The following PIK3CD variants were observed in gnomAD, a reference collection of about 807,000 sequenced individuals.
PIK3CD encodes phosphatidylinositol-4,5-bisphosphate 3-kinase catalytic subunit delta, also known as phosphatidylinositol 4,5-bisphosphate 3-kinase catalytic subunit delta isoform.
PIK3CD carries 20 observed loss-of-function variants against 122.9 expected under a neutral mutation model. The observed-to-expected ratio is 0.16, with a 90% confidence interval of 0.11 to 0.24. The LOEUF (loss-of-function observed/expected upper bound fraction) is 0.24, where lower values mean the gene tolerates loss of function less well. Ranked by LOEUF, PIK3CD falls within the 10% of genes least tolerant of loss-of-function variation. The pLI is 1.00. For missense variants in PIK3CD, 787 were observed against 1,406.3 expected (o/e 0.56, Z 7.04); for synonymous variants, 596 against 593.4 (o/e 1.00, Z -0.06).
rs1436942481 is a variant in PIK3CD at position 9,728,827 on chromosome 1, G to A, written c.*1781G>A. 1 of 152,166 alleles carries A rather than the reference G, an allele frequency of 6.6e-6. No individual in the cohort carries two copies. Among genetic ancestry groups the A allele is most frequent in the African/African-American group, 2.4e-5 (1 of 41,398 alleles). The allele number at this position is 152,166 out of a possible 1,614,324, so 9.4% of individuals were successfully genotyped here. A position where few individuals can be genotyped will look rare whatever the true frequency, so the allele number is the denominator to read the frequency against. ...TTTAAGTCATTTCATGTTTCTGTCT[G>A]GGGAAGGCAAGTTAGTTAAGTATCA... is the stretch of plus-strand genomic sequence containing the variant. On this transcript the variant is annotated 3_prime_UTR_variant, in exon 24 of 24. Coordinates refer to ENST00000377346, the MANE Select transcript of PIK3CD (RefSeq NM_005026.5).
chr1:9,728,603 G>A lies in PIK3CD; in HGVS notation c.*1557G>A, dbSNP rs1650060773. ...TTGCCACCCGCGGGGCACCTCCCTG[G>A]CCACACGCCTGTTCCCAGCAAGTGC... On this transcript the variant is annotated 3_prime_UTR_variant, in exon 24 of 24. Transcript: ENST00000377346. 6.6e-6 allele frequency: 1 copy of A among 152,258 alleles called. No individual in the cohort carries two copies. The highest frequency in any genetic ancestry group is 1.5e-5 in the Non-Finnish European group (1 of 68,074). 9.4% of individuals were successfully genotyped at this position (152,258 alleles called of 1,614,324 possible).
chr1:9,727,370 T>C lies in PIK3CD; in HGVS notation c.*324T>C, dbSNP rs1331915218. The C allele has an allele frequency of 2.2e-6, 1 of 448,778 alleles. No homozygotes were observed. The highest frequency in any genetic ancestry group is 4.2e-6 in the Non-Finnish European group (1 of 240,492). 27.8% of individuals were successfully genotyped at this position (448,778 alleles called of 1,614,324 possible). A position where few individuals can be genotyped will look rare whatever the true frequency, so the allele number is the denominator to read the frequency against. ...AGACTGTTCTCCTCCCGAGGGAACC[T>C]TCTTCCCAGGCCTCCCGCCAGACTG... On this transcript the variant is annotated 3_prime_UTR_variant, in exon 24 of 24. Transcript: ENST00000377346.
chr1:9,665,907 C>A (rs959556152), intron 1 of PIK3CD, among the ~76,000 whole-genome samples: 1 of 152,000 alleles, frequency 6.6e-6, no homozygotes, highest in African/African-American at 2.4e-5. Flanking sequence ...CTGCCCACCA[C>A]CATGCCCAGC....
chr1:9,649,639 C>T (rs745798101), upstream of PIK3CD, among the ~76,000 whole-genome samples: 7 of 152,190 alleles, frequency 4.6e-5, no homozygotes, highest in Non-Finnish European at 7.3e-5. Flanking sequence ...AGCCTCAGAT[C>T]CCTCATCTGT....
At chr1:9,697,432 G>T (rs778821273) in intron 2 of PIK3CD, among the ~76,000 whole-genome samples, 6 of 150,794 alleles carry the variant, frequency 4.0e-5, no homozygotes, top group Admixed American at 6.6e-5. Flanking sequence ...GGTGGCTCAT[G>T]CCTGTAATCC....
rs903464025 is a variant in PIK3CD, at chr1:9,723,845, C to G, written c.2595-124C>G. 3.5e-6 allele frequency: 3 copies of G among 860,330 alleles called. 1 individual carries two copies. The African/African-American group carries it at 5.0e-5, about 14-fold the overall frequency. 53.3% of individuals were successfully genotyped at this position (860,330 alleles called of 1,614,324 possible). A position where few individuals can be genotyped will look rare whatever the true frequency, so the allele number is the denominator to read the frequency against. The stretch of plus-strand genomic sequence containing the variant: ...CAAGCGATGTCCAGCATTGTGTCCT[C>G]CATGTTCTGTTGGTCAAAGCAAGTC... On this transcript the variant is annotated intron_variant, in intron 20 of 23. Transcript: ENST00000377346. The surrounding 1 kb of genome is among the most constrained non-coding windows in gnomAD (Gnocchi z 4.9).
rs1318121651 is a variant in PIK3CD at position 9,652,133 on chromosome 1, C to T, written c.-138+331C>T. On this transcript the variant is annotated intron_variant, in intron 1 of 23. Transcript: ENST00000377346. This position sits in a 1 kb window ranked among gnomAD's most constrained non-coding sequence, Gnocchi z 6.2. ...TGGCCCGGCAGCGGGGTTTCAGCTG[C>T]GCTCACAGCGGCGGTGCGGCCTCCG... 1.3e-5 allele frequency among the ~76,000 whole-genome samples: 2 copies of T among 152,188 alleles called. No homozygotes were observed. Among genetic ancestry groups the T allele is most frequent in the East Asian group, 1.9e-4 (1 of 5,172 alleles).
chr1:9,690,074 G>A (rs904250595), intron 1 of PIK3CD, among the ~76,000 whole-genome samples: 19 of 152,192 alleles, frequency 1.2e-4, no homozygotes, highest in Non-Finnish European at 2.1e-4. Flanking sequence ...TTCGGGGCAG[G>A]CTGTTTACTT....
intron 2 of PIK3CD, among the ~76,000 whole-genome samples, chr1:9,706,876 C>G (rs1441640196): frequency 1.3e-5 from 2 of 148,950 alleles, no homozygotes; most frequent in East Asian, 3.9e-4. Flanking sequence ...GTGTAGTGAT[C>G]CATCATAGCA....
intron 2 of PIK3CD, among the ~76,000 whole-genome samples, chr1:9,695,489 A>G (rs1557635168): frequency 6.6e-6 from 1 of 152,174 alleles, no homozygotes; most frequent in South Asian, 2.1e-4. Context: ...ATCAGAGAAA[A>G]AAAGGCCACA....
chr1:9,683,470 AC>A (rs60748039), intron 1 of PIK3CD, among the ~76,000 whole-genome samples: 74,256 of 149,804 alleles, frequency 0.5, 18,344 homozygotes, highest in South Asian at 0.57. Context: ...AACAACAACA[AC>A]AAAAAAAACG....
In PIK3CD at chr1:9,673,300, C is replaced by A. The variant is rs376587298; in HGVS notation, c.-137-18167C>A. Among the ~76,000 whole-genome samples the A allele has an allele frequency of 9.2e-5, 14 of 152,098 alleles. No homozygotes were observed. In the East Asian group the frequency reaches 2.1e-3, roughly 23 times the overall value. The stretch of plus-strand genomic sequence containing the variant: ...TTTGAAACAGAGTCTCCCTCTGTCG[C>A]CCCGGCTGGCGTGTAATGGTGCGAT... On this transcript the variant is annotated intron_variant, in intron 1 of 23. Coordinates refer to ENST00000377346, the MANE Select transcript of PIK3CD (RefSeq NM_005026.5).
At chr1:9,636,654 C>G in the PIK3CD span, among the ~76,000 whole-genome samples, 3 of 152,196 alleles carry the variant, frequency 2.0e-5, no homozygotes, top group African/African-American at 7.2e-5. Context: ...GGCTGGCCCT[C>G]CAGGTGGTAA....
intron 2 of PIK3CD, 33 bp downstream of exon 2, chr1:9,691,604 G>A (rs1042428387): frequency 4.3e-5 from 17 of 398,378 alleles, no homozygotes; most frequent in Non-Finnish European, 5.3e-5. Flanking sequence ...GTGTGTGGGG[G>A]AAGGGAAAGG....
At position 9,718,267 on chromosome 1, in the gene PIK3CD, G is replaced by T. The variant is rs1647872629; in HGVS notation, c.1021-427G>T. 2 of 467,064 alleles carry T rather than the reference G, an allele frequency of 4.3e-6. No individual in the cohort carries two copies. The highest frequency in any genetic ancestry group is 3.1e-5 in the South Asian group (2 of 63,924). The allele number at this position is 467,064 out of a possible 1,614,324, so 28.9% of individuals were successfully genotyped here. On this transcript the variant is annotated intron_variant, in intron 8 of 23. Transcript: ENST00000377346. The surrounding 1 kb of genome is among the most constrained non-coding windows in gnomAD (Gnocchi z 7.2). ...GGGACTGGATCAGAGGGACTTCCAG[G>T]GTGGTGGTGTCAGGTGGAATTGGAA...
chr1:9,654,128 C>T (rs1014726792), intron 1 of PIK3CD: 1 of 1,217,778 alleles, frequency 8.2e-7, no homozygotes, highest in Non-Finnish European at 1.1e-6. Context: ...AGCTAGCCTC[C>T]TTCTGAGCCC....
chr1:9,716,220 G>A (rs1647406566), intron 5 of PIK3CD, 142 bp downstream of exon 5: 2 of 872,972 alleles, frequency 2.3e-6, no homozygotes, highest in Non-Finnish European at 3.7e-6. Flanking sequence ...CATGTGTGGG[G>A]CTCAACTGAA....
chr1:9,696,070 C>T (rs916909524), intron 2 of PIK3CD, among the ~76,000 whole-genome samples: 20 of 151,268 alleles, frequency 1.3e-4, no homozygotes, highest in African/African-American at 4.1e-4. Flanking sequence ...CTCCTAGGCT[C>T]AAGCAATCCT....
Position 9,704,544 on chromosome 1 carries a change from ACT to A in PIK3CD, c.-32-5877_-32-5876del, listed in dbSNP as rs1646758893. On this transcript the variant is annotated intron_variant, in intron 2 of 23. Transcript: ENST00000377346. The surrounding 1 kb of genome is among the most constrained non-coding windows in gnomAD (Gnocchi z 5.0). ...TGTTTTGTTTTTGAGACAGGGTCTC[ACT>A]CTATTGCCCAGGCTGGAGTGCAGTG... Among the ~76,000 whole-genome samples, 1 of 151,988 alleles carries A rather than the reference ACT, an allele frequency of 6.6e-6. No individual in the cohort carries two copies. The highest frequency in any genetic ancestry group is 1.5e-5 in the Non-Finnish European group (1 of 67,996).
Sources: gnomAD v4.1 joint callset for allele counts (sites outside exome capture counted in the v4.1 genomes callset) on GRCh38, gnomAD v4.1.1 for gene constraint, Gnocchi (gnomAD v3.1) non-coding constraint, MANE v1.5 for transcripts, NCBI Gene and HGNC (gene_info 2026-07-23, HGNC 2026-07-21) for gene names.